The following PARM1 variants were observed in gnomAD, a reference collection of about 807,000 sequenced individuals.
The protein encoded by PARM1 is prostate androgen-regulated mucin-like protein 1.
A neutral mutation model predicts 24.6 loss-of-function variants in PARM1; 14 were observed. That is an observed-to-expected ratio of 0.57 (90% confidence interval 0.38 to 0.89). PARM1 has a LOEUF of 0.89. Ranked by LOEUF, PARM1 falls within the 40% of genes least tolerant of loss-of-function variation. The probability of loss-of-function intolerance (pLI) is 0.00; values close to 1 mark genes in which losing one functional copy is unlikely to be tolerated. For synonymous variants in PARM1, 179 were observed against 156.6 expected (o/e 1.14, Z -1.07); for missense variants, 362 against 380.4 (o/e 0.95, Z 0.40).
intron 1 of PARM1, among the ~76,000 whole-genome samples, chr4:74,976,442 C>A (rs1367104810): frequency 6.6e-6 from 1 of 152,142 alleles, no homozygotes; most frequent in African/African-American, 2.4e-5. Context: ...ACAGACAGAA[C>A]TCTGAACTCT....
At chr4:74,993,212 A>C (rs1722512973) in intron 1 of PARM1, among the ~76,000 whole-genome samples, 1 of 152,126 alleles carries the variant, frequency 6.6e-6, no homozygotes, top group African/African-American at 2.4e-5. Context: ...CATTTTGTGT[A>C]CTGCCCTGTA....
chr4:74,992,438 C>T lies in PARM1; in HGVS notation c.44-19987C>T, dbSNP rs148077329. Among the ~76,000 whole-genome samples, 661 of 152,158 alleles carry T rather than the reference C, an allele frequency of 4.3e-3. 7 individuals are homozygous for T. Among genetic ancestry groups the T allele is most frequent in the African/African-American group, 0.012 (492 of 41,530 alleles). On this transcript the variant is annotated intron_variant, in intron 1 of 3. Coordinates refer to ENST00000307428, the MANE Select transcript of PARM1 (RefSeq NM_015393.4). ...GCAGAAAAAATATTTGAAGACCTAA[C>T]GGCTTACATTTTTTCAAATTTGATG...
Position 75,012,973 on chromosome 4 carries a change from G to C in PARM1, c.592G>C (p.Glu198Gln). Reference protein sequence around the residue: ...GAPTAPESPTEESSSDHTPTS... With the variant: ...GAPTAPESPTQESSSDHTPTS... ...TCCAACTGCACCAGAGTCCCCGACA[G>C]AGGAGTCCAGCTCTGACCACACACC... The change falls in exon 2 of 4, where the codon GAG (glutamate) becomes CAG (glutamine). Residue 198 changes from glutamate to glutamine, a missense_variant. Coordinates refer to ENST00000307428, the MANE Select transcript of PARM1 (RefSeq NM_015393.4). 1 of 1,613,978 alleles carries C rather than the reference G, an allele frequency of 6.2e-7. No individual in the cohort carries two copies. Among genetic ancestry groups the C allele is most frequent in the Non-Finnish European group, 8.5e-7 (1 of 1,179,886 alleles).
chr4:74,940,335 G>T (rs1721279020), intron 1 of PARM1, among the ~76,000 whole-genome samples: 2 of 152,130 alleles, frequency 1.3e-5, no homozygotes, highest in South Asian at 4.1e-4. Context: ...GTTCATCCAG[G>T]CTGCTATAAC....
At chr4:75,044,282 C>A (rs1245193692) in intron 3 of PARM1, among the ~76,000 whole-genome samples, 1 of 152,104 alleles carries the variant, frequency 6.6e-6, no homozygotes, top group Non-Finnish European at 1.5e-5. Context: ...TATAATAATT[C>A]ATATGCTAGC....
rs1336026052 is a variant in PARM1 at position 74,933,173 on chromosome 4, C to G, written c.-155C>G. 1 of 606,988 alleles carries G rather than the reference C, an allele frequency of 1.6e-6. No individual in the cohort carries two copies. Among genetic ancestry groups the G allele is most frequent in the Non-Finnish European group, 2.9e-6 (1 of 341,606 alleles). 37.6% of individuals were successfully genotyped at this position (606,988 alleles called of 1,614,324 possible). A position where few individuals can be genotyped will look rare whatever the true frequency, so the allele number is the denominator to read the frequency against. Reference sequence around the variant, plus strand: ...TGACGGAGCTGCGCTGCGTTCGCCTCGTTTGCCTCGCGCCCTCCACTGGAG... The same window carrying G: ...TGACGGAGCTGCGCTGCGTTCGCCTGGTTTGCCTCGCGCCCTCCACTGGAG... On this transcript the variant is annotated 5_prime_UTR_variant, in exon 1 of 4. Transcript: ENST00000307428.
chr4:74,938,977 A>G (rs1277447758), intron 1 of PARM1, among the ~76,000 whole-genome samples: 4 of 152,206 alleles, frequency 2.6e-5, no homozygotes, highest in Admixed American at 6.5e-5. Context: ...AAATAAAAAC[A>G]AAGGTTGTCC....
chr4:74,943,208 C>T (rs1721348030), intron 1 of PARM1, among the ~76,000 whole-genome samples: 1 of 152,128 alleles, frequency 6.6e-6, no homozygotes, highest in Non-Finnish European at 1.5e-5. Flanking sequence ...TCTACTTTTT[C>T]TTTAAAGCAT....
intron 2 of PARM1, among the ~76,000 whole-genome samples, chr4:75,028,641 A>T (rs922421460): frequency 5.3e-5 from 8 of 152,212 alleles, no homozygotes; most frequent in African/African-American, 1.9e-4. Context: ...CTGACTGGTG[A>T]ATTTTCAAGG....
intron 3 of PARM1, among the ~76,000 whole-genome samples, chr4:75,040,538 A>T (rs1001721947): frequency 5.3e-5 from 8 of 152,338 alleles, no homozygotes; most frequent in Admixed American, 1.3e-4. Context: ...TAGTTGTGAT[A>T]CTCACTCTGC....
intron 1 of PARM1, among the ~76,000 whole-genome samples, chr4:75,001,212 C>T (rs1184181461): frequency 2.0e-5 from 3 of 151,958 alleles, no homozygotes; most frequent in Non-Finnish European, 4.4e-5. Flanking sequence ...TAACCCTGAA[C>T]CAAAAACAGC....
chr4:75,019,831 G>A (rs1257907081), intron 2 of PARM1, among the ~76,000 whole-genome samples: 5 of 150,032 alleles, frequency 3.3e-5, no homozygotes, highest in African/African-American at 4.9e-5. Context: ...GTGAAACCCC[G>A]TCTCTACTAA....
intron 1 of PARM1, among the ~76,000 whole-genome samples, chr4:74,934,603 CG>C (rs1410924311): frequency 6.6e-6 from 1 of 152,252 alleles, no homozygotes; most frequent in Non-Finnish European, 1.5e-5. Context: ...GGTTTGGAGA[CG>C]CGTCCGCGGA....
chr4:75,004,155 C>T (rs1399147286), intron 1 of PARM1, among the ~76,000 whole-genome samples: 2 of 152,218 alleles, frequency 1.3e-5, no homozygotes, highest in Admixed American at 1.3e-4. Context: ...GGACACATTT[C>T]TGCTATCATG....
chr4:74,962,652 C>T (rs143195371), intron 1 of PARM1, among the ~76,000 whole-genome samples: 72 of 152,156 alleles, frequency 4.7e-4, no homozygotes, highest in African/African-American at 1.6e-3. Context: ...AATAGGTAGG[C>T]CAGTTAGCAA....
chr4:74,983,774 C>T lies in PARM1; in HGVS notation c.44-28651C>T, dbSNP rs76745055. ...ATTCCTTCTGGCTTCCCTTTCCACCCCACCCCTTCACCTTCCAGTTTAGCA... is the reference window on the plus strand; with the variant it reads ...ATTCCTTCTGGCTTCCCTTTCCACCTCACCCCTTCACCTTCCAGTTTAGCA... On this transcript the variant is annotated intron_variant, in intron 1 of 3. Coordinates refer to ENST00000307428, the MANE Select transcript of PARM1 (RefSeq NM_015393.4). 4.9e-4 allele frequency among the ~76,000 whole-genome samples: 74 copies of T among 152,288 alleles called. No individual in the cohort carries two copies. The East Asian group carries it at 0.013, about 27-fold the overall frequency.
chr4:74,962,515 T>C (rs1721797282), intron 1 of PARM1, among the ~76,000 whole-genome samples: 1 of 152,172 alleles, frequency 6.6e-6, no homozygotes, highest in African/African-American at 2.4e-5. Context: ...AATGAGATAA[T>C]GGATTTTATA....
rs1483739096 is a variant in PARM1, at chr4:75,049,392, C to T, written c.*3145C>T. ...ACTATTACATAGATATATAAGTGATCTCAGTTTCTTGTTTGCTGTGATACT... is the reference window on the plus strand; with the variant it reads ...ACTATTACATAGATATATAAGTGATTTCAGTTTCTTGTTTGCTGTGATACT... On this transcript the variant is annotated 3_prime_UTR_variant, in exon 4 of 4. Coordinates refer to ENST00000307428, the MANE Select transcript of PARM1 (RefSeq NM_015393.4). 6.6e-6 allele frequency: 1 copy of T among 152,164 alleles called. No individual in the cohort carries two copies. Among genetic ancestry groups the T allele is most frequent in the East Asian group, 1.9e-4 (1 of 5,204 alleles). The allele number at this position is 152,164 out of a possible 1,614,324, so 9.4% of individuals were successfully genotyped here.
chr4:75,005,632 C>G (rs1423346087), intron 1 of PARM1, among the ~76,000 whole-genome samples: 5 of 152,178 alleles, frequency 3.3e-5, no homozygotes, highest in African/African-American at 1.2e-4. Context: ...AACTGAGGAC[C>G]AAGCCAAACA....
Sources: gnomAD v4.1 joint callset for allele counts (sites outside exome capture counted in the v4.1 genomes callset) on GRCh38, gnomAD v4.1.1 for gene constraint, MANE v1.5 for transcripts, NCBI Gene and HGNC (gene_info 2026-07-23, HGNC 2026-07-21) for gene names.